The following OSBPL3 variants were observed in gnomAD, a reference collection of about 807,000 sequenced individuals.
The protein encoded by OSBPL3 is oxysterol-binding protein-related protein 3.
OSBPL3 carries 65 observed loss-of-function variants against 120.1 expected under a neutral mutation model. The observed-to-expected ratio is 0.54, with a 90% CI of 0.44 to 0.67. The LOEUF (loss-of-function observed/expected upper bound fraction) is 0.67, where lower values mean the gene tolerates loss of function less well. Ranked by LOEUF, OSBPL3 falls within the 30% of genes least tolerant of loss-of-function variation. The pLI, the probability that OSBPL3 is intolerant of heterozygous loss-of-function variation, is 0.00. For missense variants in OSBPL3, 1,004 were observed against 1,082.1 expected (o/e 0.93, Z 1.01); for synonymous variants, 416 against 402.6 (o/e 1.03, Z -0.40).
intron 1 of OSBPL3, among the ~76,000 whole-genome samples, chr7:24,960,900 A>C (rs116820245): frequency 3.6e-4 from 55 of 152,300 alleles, no homozygotes; most frequent in African/African-American, 1.3e-3. Context: ...TTTTAATTAC[A>C]CCCCTCGATC....
At chr7:24,807,174 G>A (rs2128106534) in intron 20 of OSBPL3, among the ~76,000 whole-genome samples, 1 of 152,294 alleles carries the variant, frequency 6.6e-6, no homozygotes, top group Admixed American at 6.5e-5. Flanking sequence ...TAGTGCTTAA[G>A]CTATGAAAAT....
At chr7:24,816,244 T>C (rs1057121778) in intron 18 of OSBPL3, among the ~76,000 whole-genome samples, 6 of 152,120 alleles carry the variant, frequency 3.9e-5, no homozygotes, top group African/African-American at 9.7e-5. Context: ...CCCATACTGG[T>C]CTCAAACTCC....
In OSBPL3 at chr7:24,797,040, C is replaced by T. The variant is rs1239813954; in HGVS notation, c.*3143G>A. 1 of 152,216 alleles carries T rather than the reference C, an allele frequency of 6.6e-6. No homozygotes were observed. The allele number at this position is 152,216 out of a possible 1,614,324, so 9.4% of individuals were successfully genotyped here. A position where few individuals can be genotyped will look rare whatever the true frequency, so the allele number is the denominator to read the frequency against. On this transcript the variant is annotated 3_prime_UTR_variant, in exon 23 of 23. Transcript: ENST00000313367. The surrounding 1 kb of genome is among the most constrained non-coding windows in gnomAD (Gnocchi z 4.8). ...AGGACACCTTCTTATTGCTTCTACT[C>T]ATAACTAAAAGGTCTGCGGAGATTC...
rs1809990920 is a variant in OSBPL3, at chr7:24,918,438, GAAGA to G, written c.-149-25821_-149-25818del. On this transcript the variant is annotated intron_variant, in intron 1 of 22. Coordinates refer to ENST00000313367, the MANE Select transcript of OSBPL3 (RefSeq NM_015550.4). The surrounding 1 kb of genome is among the most constrained non-coding windows in gnomAD (Gnocchi z 4.3). ...ACATCTAGATAGAAGTATGTATTTG[GAAGA>G]AAGAAGTGCCACTCGAGAGAGTTAA... is the stretch of plus-strand genomic sequence containing the variant. Among the ~76,000 whole-genome samples the G allele has an allele frequency of 1.3e-5, 2 of 152,304 alleles. No homozygotes were observed. Among genetic ancestry groups the G allele is most frequent in the African/African-American group, 4.8e-5 (2 of 41,560 alleles).
chr7:24,859,043 A>G (rs1380022024), intron 10 of OSBPL3, among the ~76,000 whole-genome samples: 1 of 152,226 alleles, frequency 6.6e-6, no homozygotes, highest in Non-Finnish European at 1.5e-5. Flanking sequence ...AACTCTTGCC[A>G]TTTCACGGAT....
chr7:24,800,353 C>A (rs1792145982), intron 22 of OSBPL3, 74 bp from the exon 23 acceptor site: 1 of 829,110 alleles, frequency 1.2e-6, no homozygotes, highest in Non-Finnish European at 2.0e-6. Context: ...TCCTTCCTAA[C>A]CTCCCTGCTT....
At chr7:24,826,319 A>C (rs566017458) in intron 16 of OSBPL3, among the ~76,000 whole-genome samples, 2 of 152,332 alleles carry the variant, frequency 1.3e-5, no homozygotes, top group South Asian at 4.1e-4. Context: ...AGAGGGTCAG[A>C]ACCTAGGACA....
Position 24,817,360 on chromosome 7 carries a change from T to C in OSBPL3, c.1949-672A>G, listed in dbSNP as rs1794598767. On this transcript the variant is annotated intron_variant, in intron 17 of 22. Coordinates refer to ENST00000313367, the MANE Select transcript of OSBPL3 (RefSeq NM_015550.4). The surrounding 1 kb of genome is among the most constrained non-coding windows in gnomAD (Gnocchi z 4.0). ...GGCGAAACCCCTTCTCTATTAAAAATACAAAAATTAGCTGGGCGTTGTGGT... is the reference window on the plus strand; with the variant it reads ...GGCGAAACCCCTTCTCTATTAAAAACACAAAAATTAGCTGGGCGTTGTGGT... Among the ~76,000 whole-genome samples, 1 of 152,036 alleles carries C rather than the reference T, an allele frequency of 6.6e-6. No individual in the cohort carries two copies. The highest frequency in any genetic ancestry group is 2.4e-5 in the African/African-American group (1 of 41,388).
At chr7:24,910,558 T>C (rs1808671525) in intron 1 of OSBPL3, among the ~76,000 whole-genome samples, 1 of 152,218 alleles carries the variant, frequency 6.6e-6, no homozygotes, top group African/African-American at 2.4e-5. Context: ...AAGTAACTAC[T>C]ATGTGTCCAC....
intron 22 of OSBPL3, among the ~76,000 whole-genome samples, chr7:24,800,769 G>A (rs1190674144): frequency 6.6e-6 from 1 of 151,806 alleles, no homozygotes; most frequent in Admixed American, 6.6e-5. Flanking sequence ...TTTGTTACAC[G>A]ACTTTAACTT....
intron 1 of OSBPL3, among the ~76,000 whole-genome samples, chr7:24,944,531 G>A (rs919770961): frequency 1.3e-4 from 20 of 151,962 alleles, no homozygotes; most frequent in African/African-American, 4.8e-4. Flanking sequence ...TCAGGAGGCT[G>A]AGGCAGGAGA....
At chr7:24,866,303 C>T in intron 5 of OSBPL3, 66 bp from the exon 6 acceptor site, 1 of 1,153,186 alleles carries the variant, frequency 8.7e-7, no homozygotes. Flanking sequence ...AATTACTCAT[C>T]AAATTGAGGC....
intron 2 of OSBPL3, among the ~76,000 whole-genome samples, chr7:24,889,397 T>C (rs1356310341): frequency 6.6e-6 from 1 of 152,210 alleles, no homozygotes; most frequent in African/African-American, 2.4e-5. Context: ...TTCATAATAC[T>C]GCATTATTCA....
intron 18 of OSBPL3, among the ~76,000 whole-genome samples, 199 bp downstream of exon 18, chr7:24,816,411 C>T (rs1794469878): frequency 6.6e-6 from 1 of 151,996 alleles, no homozygotes; most frequent in African/African-American, 2.4e-5. Flanking sequence ...CTCCAGGAGG[C>T]ATTTCCATTT....
intron 1 of OSBPL3, 119 bp from the exon 2 acceptor site, chr7:24,892,740 T>C (rs545815147): frequency 5.1e-6 from 3 of 590,490 alleles, no homozygotes; most frequent in East Asian, 4.5e-5. Context: ...TGTTTAGCTA[T>C]AGCAGGCGCC....
chr7:24,969,044 C>A (rs1816710459), intron 1 of OSBPL3, among the ~76,000 whole-genome samples: 1 of 152,202 alleles, frequency 6.6e-6, no homozygotes. Flanking sequence ...TCAAAGAGTG[C>A]ATGCATTTCC....
chr7:24,909,797 T>C (rs990961250), intron 1 of OSBPL3, among the ~76,000 whole-genome samples: 12 of 141,406 alleles, frequency 8.5e-5, no homozygotes, highest in Non-Finnish European at 1.7e-4. Context: ...TTTTTTTTTT[T>C]TTTTTTTTTT....
intron 12 of OSBPL3, 56 bp from the exon 13 acceptor site, chr7:24,842,469 GAAAAT>G: frequency 7.5e-7 from 1 of 1,326,064 alleles, no homozygotes; most frequent in Non-Finnish European, 1.1e-6. Context: ...TCAAGAGAAA[GAAAAT>G]AAATGATTTA....
chr7:24,842,920 C>A (rs1190514779), intron 12 of OSBPL3, among the ~76,000 whole-genome samples: 1 of 152,196 alleles, frequency 6.6e-6, no homozygotes, highest in East Asian at 1.9e-4. Context: ...TCCAGAAGCA[C>A]CCTGGTGGCA....
Sources: gnomAD v4.1 joint callset for allele counts (sites outside exome capture counted in the v4.1 genomes callset) on GRCh38, gnomAD v4.1.1 for gene constraint, Gnocchi (gnomAD v3.1) non-coding constraint, MANE v1.5 for transcripts, NCBI Gene and HGNC (gene_info 2026-07-23, HGNC 2026-07-21) for gene names.